GRIA1: variants seen among roughly 807,000 people sequenced by gnomAD.
GRIA1 encodes the protein glutamate ionotropic receptor AMPA type subunit 1, also known as glutamate receptor 1.
Under a neutral mutation model 99.2 loss-of-function variants are expected in GRIA1, and 31 were observed. The observed-to-expected ratio is 0.31, with a 90% CI of 0.23 to 0.42. GRIA1 has a LOEUF of 0.42. Ranked by LOEUF, GRIA1 falls within the 10% of genes least tolerant of loss-of-function variation. GRIA1 has a pLI of 1.00. For missense variants in GRIA1, 782 were observed against 1,157.5 expected, an observed-to-expected ratio of 0.68 and a Z score of 4.71; for synonymous variants, 438 against 432.4, an observed-to-expected ratio of 1.01 and a Z score of -0.16.
At chr5:153,758,931 CA>C (rs1763000633) in intron 11 of GRIA1, among the ~76,000 whole-genome samples, 1 of 151,680 alleles carries the variant, frequency 6.6e-6, no homozygotes, top group African/African-American at 2.4e-5. Context: ...CAATCAATAA[CA>C]AGAGGAACTT....
chr5:153,749,275 G>A (rs1042060735), intron 11 of GRIA1, among the ~76,000 whole-genome samples: 9 of 152,114 alleles, frequency 5.9e-5, no homozygotes, highest in Non-Finnish European at 2.9e-5. Flanking sequence ...GTCATGAGAT[G>A]GGATTCATTA....
intron 11 of GRIA1, among the ~76,000 whole-genome samples, chr5:153,760,273 C>T (rs1372871748): frequency 1.3e-5 from 2 of 152,064 alleles, no homozygotes; most frequent in Non-Finnish European, 2.9e-5. Flanking sequence ...TTGCAGATGA[C>T]ATGATCTTCT....
chr5:153,597,366 T>G (rs1213805985), intron 2 of GRIA1, among the ~76,000 whole-genome samples: 2 of 152,192 alleles, frequency 1.3e-5, no homozygotes, highest in South Asian at 4.1e-4. Context: ...GTTATTCTTC[T>G]TTCTAGGTTT....
chr5:153,534,213 G>A (rs553190385), intron 2 of GRIA1, among the ~76,000 whole-genome samples: 26 of 152,254 alleles, frequency 1.7e-4, no homozygotes, highest in Non-Finnish European at 2.8e-4. Flanking sequence ...ACTTTCCTCT[G>A]AAACTTAAGT....
intron 7 of GRIA1, among the ~76,000 whole-genome samples, chr5:153,678,269 C>T (rs137951892): frequency 1.5e-3 from 223 of 152,334 alleles, no homozygotes; most frequent in Non-Finnish European, 2.4e-3. Flanking sequence ...ACCACACGTG[C>T]ACAGCTCTAG....
At chr5:153,571,154 T>C (rs1197072576) in intron 2 of GRIA1, among the ~76,000 whole-genome samples, 2 of 152,180 alleles carry the variant, frequency 1.3e-5, no homozygotes, top group Non-Finnish European at 1.5e-5. Flanking sequence ...CTCTATCCAT[T>C]ATAAGATGCC....
At chr5:153,582,902 A>G (rs1425757778) in intron 2 of GRIA1, among the ~76,000 whole-genome samples, 1 of 152,058 alleles carries the variant, frequency 6.6e-6, no homozygotes, top group Non-Finnish European at 1.5e-5. Context: ...GGGCACAGCA[A>G]TCATCCACCT....
At chr5:153,742,888 T>G (rs1174559311) in intron 11 of GRIA1, among the ~76,000 whole-genome samples, 2 of 152,264 alleles carry the variant, frequency 1.3e-5, no homozygotes, top group Admixed American at 1.3e-4. Context: ...TAATTCTGTC[T>G]GAATGGTCTC....
intron 13 of GRIA1, among the ~76,000 whole-genome samples, chr5:153,779,239 G>C (rs1764479989): frequency 6.6e-6 from 1 of 152,160 alleles, no homozygotes; most frequent in South Asian, 2.1e-4. Flanking sequence ...CTAAGATTCA[G>C]AGGGTAATGC....
intron 13 of GRIA1, 100 bp from the exon 14 acceptor site, chr5:153,794,521 G>T (rs1027654934): frequency 6.3e-6 from 5 of 796,162 alleles, no homozygotes; most frequent in Non-Finnish European, 6.6e-6. Flanking sequence ...CAACCTGGCA[G>T]GCTGGGTAAT....
intron 2 of GRIA1, among the ~76,000 whole-genome samples, chr5:153,607,782 G>A (rs373134882): frequency 5.1e-4 from 77 of 152,018 alleles, no homozygotes; most frequent in African/African-American, 1.5e-3. Context: ...TTTTACAGTC[G>A]ACAATATGGT....
At chr5:153,782,365 G>T (rs1197863687) in intron 13 of GRIA1, among the ~76,000 whole-genome samples, 2 of 152,164 alleles carry the variant, frequency 1.3e-5, no homozygotes, top group Non-Finnish European at 2.9e-5. Context: ...GAGGATCACA[G>T]GAAATGATGA....
intron 2 of GRIA1, among the ~76,000 whole-genome samples, chr5:153,606,018 C>T (rs1339071492): frequency 6.6e-6 from 1 of 152,030 alleles, no homozygotes; most frequent in Non-Finnish European, 1.5e-5. Context: ...AAAACTTTTC[C>T]TACCCTGAGA....
intron 2 of GRIA1, among the ~76,000 whole-genome samples, chr5:153,531,908 T>C (rs1187799578): frequency 6.6e-6 from 1 of 152,160 alleles, no homozygotes; most frequent in Non-Finnish European, 1.5e-5. Flanking sequence ...TTAAGGACTG[T>C]GCACCTGGGG....
chr5:153,757,516 C>T (rs1011151452), intron 11 of GRIA1, among the ~76,000 whole-genome samples: 9 of 152,102 alleles, frequency 5.9e-5, no homozygotes, highest in Admixed American at 5.9e-4. Flanking sequence ...TTTCAAAGAT[C>T]AAGGACAAAG....
At chr5:153,585,870 TAACA>T (rs746964154) in intron 2 of GRIA1, among the ~76,000 whole-genome samples, 91 of 152,312 alleles carry the variant, frequency 6.0e-4, no homozygotes, top group Non-Finnish European at 9.4e-4. Context: ...CACTATCTCT[TAACA>T]AACCTGTTTT....
At chr5:153,577,103 T>C (rs534758924) in intron 2 of GRIA1, among the ~76,000 whole-genome samples, 11 of 146,322 alleles carry the variant, frequency 7.5e-5, no homozygotes, top group African/African-American at 2.3e-4. Context: ...GATGGATGGA[T>C]GGATGGATAA....
chr5:153,637,366 C>G (rs1298677390), intron 2 of GRIA1, among the ~76,000 whole-genome samples: 1 of 152,074 alleles, frequency 6.6e-6, no homozygotes, highest in African/African-American at 2.4e-5. Context: ...TTATCTAGGC[C>G]AATAGTCCTT....
At chr5:153,616,407 C>A (rs1348446460) in intron 2 of GRIA1, among the ~76,000 whole-genome samples, 1 of 152,002 alleles carries the variant, frequency 6.6e-6, no homozygotes, top group East Asian at 1.9e-4. Flanking sequence ...CTTCCCTGAG[C>A]CACTTTGGAA....
Sources: gnomAD v4.1 joint callset for allele counts (sites outside exome capture counted in the v4.1 genomes callset) on GRCh38, gnomAD v4.1.1 for gene constraint, MANE v1.5 for transcripts, NCBI Gene and HGNC (gene_info 2026-07-23, HGNC 2026-07-21) for gene names.